MSH6: variants seen among roughly 807,000 people sequenced by gnomAD.
MSH6 encodes the protein mutS homolog 6, also known as DNA mismatch repair protein Msh6.
Under a neutral mutation model 119.1 loss-of-function variants are expected in MSH6, and 85 were observed. The observed-to-expected ratio is 0.71, with a 90% CI of 0.60 to 0.85. MSH6 has a LOEUF of 0.85. Among genes scored for constraint, MSH6 ranks in the 40% least tolerant of loss-of-function variants. The pLI, the probability that MSH6 is intolerant of heterozygous loss-of-function variation, is 0.00. For missense variants in MSH6, 2,163 were observed against 1,655.3 expected, an observed-to-expected ratio of 1.31 and a Z score of -5.32; for synonymous variants, 830 against 586.9, an observed-to-expected ratio of 1.41 and a Z score of -5.99.
intron 2 of MSH6, among the ~76,000 whole-genome samples, chr2:47,792,956 T>C (rs1325454597): frequency 3.3e-5 from 5 of 150,208 alleles, no homozygotes; most frequent in African/African-American, 1.2e-4. Flanking sequence ...GGCTCCCAAG[T>C]AGTTGGGTGA....
chr2:47,785,267 G>C (rs113492636), intron 1 of MSH6, among the ~76,000 whole-genome samples: 1 of 152,010 alleles, frequency 6.6e-6, no homozygotes, highest in Non-Finnish European at 1.5e-5. Context: ...TCGCTCTGTC[G>C]CCCAGGCTGG....
Position 47,803,295 on chromosome 2 carries a change from C to A in MSH6, c.3173-125C>A, listed in dbSNP as rs576376239. 8 of 1,266,436 alleles carry A rather than the reference C, an allele frequency of 6.3e-6. No homozygotes were observed. The South Asian group carries it at 1.0e-4, about 16-fold the overall frequency. The allele number at this position is 1,266,436 out of a possible 1,614,324, so 78.4% of individuals were successfully genotyped here. ...GGGTAAGTATTTTGATGGGGGAGATCGTTGGACTGTAATTGAAAGTTATGT... is the reference window on the plus strand; with the variant it reads ...GGGTAAGTATTTTGATGGGGGAGATAGTTGGACTGTAATTGAAAGTTATGT... On this transcript the variant is annotated intron_variant, in intron 4 of 9. Coordinates refer to ENST00000234420, the MANE Select transcript of MSH6 (RefSeq NM_000179.3).
In MSH6 at chr2:47,783,317, A is replaced by T. The variant is rs1060504748; in HGVS notation, c.84A>T (p.Ser28=). The T allele has an allele frequency of 6.2e-7, 1 of 1,611,328 alleles. No homozygotes were observed. The highest frequency in any genetic ancestry group is 8.5e-7 in the Non-Finnish European group (1 of 1,179,284). The part of the protein sequence containing the change: ...SDANKASARA[S]REGGRAAAAP... ...CCAACAAGGCCTCGGCCAGGGCCTC[A>T]CGCGAAGGCGGCCGTGCCGCCGCTG... The change falls in exon 1 of 10, where the codon TCA becomes TCT. Residue 28 remains serine, a synonymous_variant. Transcript: ENST00000234420.
In MSH6 at chr2:47,799,263, A is replaced by G. The variant is rs2104333122; in HGVS notation, c.1280A>G (p.Tyr427Cys). ...CAGAACTTTGATCTTGTCATCTGTTACAAGGTGGGGAAATTTTATGAGCTG... is the reference window on the plus strand; with the variant it reads ...CAGAACTTTGATCTTGTCATCTGTTGCAAGGTGGGGAAATTTTATGAGCTG... ...KSQNFDLVICYKVGKFYELYH... is the reference protein window; with the variant it reads ...KSQNFDLVICCKVGKFYELYH... Residue 427 changes from tyrosine to cysteine, a missense_variant, in exon 4 of 10, where the codon TAC (tyrosine) becomes TGC (cysteine). Transcript: ENST00000234420. 1 of 1,614,150 alleles carries G rather than the reference A, an allele frequency of 6.2e-7. No individual in the cohort carries two copies. Among genetic ancestry groups the G allele is most frequent in the Non-Finnish European group, 8.5e-7 (1 of 1,180,032 alleles).
downstream of MSH6, chr2:47,810,072 T>G: frequency 2.0e-6 from 1 of 503,398 alleles, no homozygotes; most frequent in South Asian, 3.2e-5. Context: ...CTGCATTTAT[T>G]CTATCCCAAT....
intron 1 of MSH6, among the ~76,000 whole-genome samples, chr2:47,788,604 C>G (rs1387641837): frequency 6.7e-5 from 9 of 133,714 alleles, no homozygotes; most frequent in African/African-American, 2.5e-4. Flanking sequence ...GAGTCTTGCT[C>G]TGTTACCCAG....
At chr2:47,796,177 T>A (rs534627101) in intron 3 of MSH6, 114 bp downstream of exon 3, 29 of 1,066,540 alleles carry the variant, frequency 2.7e-5, no homozygotes, top group Non-Finnish European at 4.3e-6. Flanking sequence ...TATGTATTAT[T>A]TTATTATACA....
At chr2:47,788,934 T>TTTTG (rs1668553253) in intron 1 of MSH6, among the ~76,000 whole-genome samples, 2 of 99,654 alleles carry the variant, frequency 2.0e-5, no homozygotes, top group Non-Finnish European at 3.9e-5. Flanking sequence ...TTTTTTTTTT[T>TTTTG]TTTTTTTTTT....
intron 4 of MSH6, among the ~76,000 whole-genome samples, chr2:47,802,540 C>T (rs1250135920): frequency 6.6e-6 from 1 of 151,452 alleles, no homozygotes; most frequent in Non-Finnish European, 1.5e-5. Context: ...CCGTGTTGGC[C>T]AGGCTGTTCT....
chr2:47,800,304 TA>T lies in MSH6; in HGVS notation c.2324del (p.Lys775SerfsTer18). ...CATACTCCTTTTGGTAAGCGGCTCC[TA>T]AAGCAATGGCTTTGTGCCCCACTCT... ...TCHTPFGKRLLKQWLCAPLCN... is the reference protein window; with the variant it reads ...TCHTPFGKRLXKQWLCAPLCN... On this transcript the variant is annotated frameshift_variant, in exon 4 of 10. Coordinates refer to ENST00000234420, the MANE Select transcript of MSH6 (RefSeq NM_000179.3). LOFTEE classifies it high-confidence loss of function. 1 of 1,614,192 alleles carries T rather than the reference TA, an allele frequency of 6.2e-7. No homozygotes were observed. The highest frequency in any genetic ancestry group is 1.3e-5 in the African/African-American group (1 of 75,054).
At chr2:47,796,183 A>T (rs1669078909) in intron 3 of MSH6, 120 bp downstream of exon 3, 1 of 1,011,994 alleles carries the variant, frequency 9.9e-7, no homozygotes. Flanking sequence ...TTATTTTATT[A>T]TACATACATG....
At chr2:47,806,424 T>C (rs1300450646) in intron 8 of MSH6, 28 bp from the exon 9 acceptor site, 7 of 1,613,688 alleles carry the variant, frequency 4.3e-6, no homozygotes, top group East Asian at 2.2e-5. Context: ...TGCTAGCACA[T>C]GTATCGCTAA....
chr2:47,790,411 A>G (rs1348932133), intron 1 of MSH6, among the ~76,000 whole-genome samples: 2 of 152,210 alleles, frequency 1.3e-5, no homozygotes, highest in African/African-American at 4.8e-5. Flanking sequence ...GGGGGAGGGT[A>G]ATAGAGTATT....
intron 1 of MSH6, among the ~76,000 whole-genome samples, chr2:47,788,013 G>A (rs1668448855): frequency 6.6e-6 from 1 of 152,146 alleles, no homozygotes; most frequent in Non-Finnish European, 1.5e-5. Flanking sequence ...TGTTAGCAGT[G>A]AGTGAAGAAA....
Position 47,806,760 on chromosome 2 carries a change from T to C in MSH6, c.4002-19T>C, listed in dbSNP as rs730881821. The C allele has an allele frequency of 1.5e-5, 23 of 1,581,440 alleles. No homozygotes were observed. Among genetic ancestry groups the C allele is most frequent in the Non-Finnish European group, 1.9e-5 (22 of 1,165,114 alleles). ...TGAAAAAACAAAAAAACTTTTTTTT[T>C]TTTTTTTTTAATTTTAAGGGAAGTT... On this transcript the variant is annotated intron_variant, in intron 9 of 9. Transcript: ENST00000234420.
Position 47,806,218 on chromosome 2 carries a change from A to C in MSH6, c.3661A>C (p.Thr1221Pro). The C allele has an allele frequency of 6.2e-7, 1 of 1,614,080 alleles. No homozygotes were observed. The change falls in exon 8 of 10, where the codon ACA becomes CCA. Residue 1221 changes from threonine to proline, a missense_variant. Physicochemically the swap from Thr to Pro is conservative, Grantham distance 38. Transcript: ENST00000234420. ...LVDELGRGTA[T>P]FDGTAIANAV... is the part of the protein sequence containing the mutation. The stretch of plus-strand genomic sequence containing the variant: ...TACTTTAACAGGAAGAGGTACTGCA[A>C]CATTTGATGGGACGGCAATAGCAAA...
At position 47,799,797 on chromosome 2, in the gene MSH6, C is replaced by G. The variant is rs587781616; in HGVS notation, c.1814C>G (p.Thr605Ser). 1.5e-5 allele frequency: 24 copies of G among 1,614,062 alleles called. No homozygotes were observed. Among genetic ancestry groups the G allele is most frequent in the Admixed American group, 3.3e-5 (2 of 59,996 alleles). ...LFEKGNLSKE[T>S]KTILKSSLSC... ...GAAAAAGGAAATCTCTCAAAGGAAA[C>G]TAAAACAATTCTAAAGAGTTCATTG... Residue 605 changes from threonine (T) to serine (S), a missense_variant, in exon 4 of 10, where the codon ACT (threonine) becomes AGT (serine). Transcript: ENST00000234420.
chr2:47,796,355 A>C (rs1218526012), intron 3 of MSH6, among the ~76,000 whole-genome samples: 1 of 152,072 alleles, frequency 6.6e-6, no homozygotes, highest in Non-Finnish European at 1.5e-5. Context: ...AAGATGGAGT[A>C]ATATATATAT....
downstream of MSH6, chr2:47,809,771 T>C (rs1670481861): frequency 1.9e-6 from 2 of 1,056,052 alleles, no homozygotes; most frequent in Non-Finnish European, 2.9e-6. Context: ...AACCTGAAAT[T>C]AGCAAGCAAA....
Sources: gnomAD v4.1 joint callset for allele counts (sites outside exome capture counted in the v4.1 genomes callset) on GRCh38, gnomAD v4.1.1 for gene constraint, MANE v1.5 for transcripts, NCBI Gene and HGNC (gene_info 2026-07-23, HGNC 2026-07-21) for gene names.